Variants in MYRFL observed in about 807,000 individuals in gnomAD.
MYRFL encodes myelin regulatory factor-like protein.
Under a neutral mutation model 109.4 loss-of-function variants are expected in MYRFL, and 88 were observed. That is an observed-to-expected ratio of 0.80 (90% CI 0.68 to 0.96). The LOEUF (loss-of-function observed/expected upper bound fraction) is 0.96, where lower values mean the gene tolerates loss of function less well. Among genes scored for constraint, MYRFL ranks in the 40% least tolerant of loss-of-function variants. The pLI is 0.00. For synonymous variants in MYRFL, 324 were observed against 320.9 expected (o/e 1.01, Z -0.10); for missense variants, 957 against 954.9 (o/e 1.00, Z -0.03).
chr12:69,935,732 G>T (rs17225861), intron 16 of MYRFL, among the ~76,000 whole-genome samples: 1 of 152,124 alleles, frequency 6.6e-6, no homozygotes, highest in Non-Finnish European at 1.5e-5. Flanking sequence ...GCCCTCCACC[G>T]GTGGCACGCA....
At chr12:69,853,521 G>A (rs544392541) in intron 1 of MYRFL, among the ~76,000 whole-genome samples, 6 of 150,986 alleles carry the variant, frequency 4.0e-5, no homozygotes, top group Middle Eastern at 3.5e-3. Flanking sequence ...CAGACGGGGC[G>A]GCGGGGCAGA....
At chr12:69,874,812 T>G (rs1371701989) in intron 2 of MYRFL, among the ~76,000 whole-genome samples, 2 of 152,138 alleles carry the variant, frequency 1.3e-5, no homozygotes, top group African/African-American at 4.8e-5. Context: ...AGTCAGTGAT[T>G]ATTTGAATCA....
rs71098067 is a variant in MYRFL, at chr12:69,936,078, GTTTTTTTTTTTTTTTT to G, written c.1917-21_1917-6del. ...TCTGGAAACAAATCTGCCACATAAT[GTTTTTTTTTTTTTTTT>G]TTTTTTTTTTTTTGACAGTGCTTTG... On this transcript the variant is annotated intron_variant, in intron 16 of 24. Transcript: ENST00000552032. 4.9e-5 allele frequency: 44 copies of G among 893,910 alleles called. No individual in the cohort carries two copies. The East Asian group carries it at 7.2e-4, about 15-fold the overall frequency. The allele number at this position is 893,910 out of a possible 1,614,324, so 55.4% of individuals were successfully genotyped here.
chr12:69,924,714 A>AG (rs2120439128), intron 13 of MYRFL, among the ~76,000 whole-genome samples: 1 of 152,338 alleles, frequency 6.6e-6, no homozygotes, highest in South Asian at 2.1e-4. Flanking sequence ...GTAAGACTTC[A>AG]GGAAAAATAT....
rs1012581917 is a variant in MYRFL at position 69,855,321 on chromosome 12, A to C, written c.88A>C (p.Thr30Pro). The change falls in exon 2 of 25, where the codon ACA becomes CCA. Residue 30 changes from threonine to proline, a missense_variant. Coordinates refer to ENST00000552032, the MANE Select transcript of MYRFL (RefSeq NM_182530.3). ...TACTCTGGAGAACCCAGCCCTGGAC[A>C]CAAGTCTGTTGGAGGAATTTCTGGG... ...NGTLENPALD[T>P]SLLEEFLGND... 5 of 702,652 alleles carry C rather than the reference A, an allele frequency of 7.1e-6. No individual in the cohort carries two copies. The highest frequency in any genetic ancestry group is 5.2e-5 in the African/African-American group (3 of 57,266). The allele number at this position is 702,652 out of a possible 1,614,324, so 43.5% of individuals were successfully genotyped here.
At chr12:69,837,333 T>G (rs1034508114) in intron 1 of MYRFL, among the ~76,000 whole-genome samples, 4 of 152,154 alleles carry the variant, frequency 2.6e-5, no homozygotes, top group Non-Finnish European at 5.9e-5. Flanking sequence ...AACTGGCCAC[T>G]GGCTACCCAA....
At position 69,927,701 on chromosome 12, in the gene MYRFL, G is replaced by A. The variant is rs762397862; in HGVS notation, c.1783G>A (p.Val595Ile). 12 of 1,533,258 alleles carry A rather than the reference G, an allele frequency of 7.8e-6. No individual in the cohort carries two copies. The highest frequency in any genetic ancestry group is 4.8e-5 in the South Asian group (4 of 83,634). The allele number at this position is 1,533,258 out of a possible 1,614,324, so 95.0% of individuals were successfully genotyped here. ...CTTTTAAAGCAAATCTAGCAGAGCC[G>A]TTAGTGCATCTTCTCCAAGAAGGGC... ...ASTISKSSRAVSASSPRRAVH... is the reference protein window; with the variant it reads ...ASTISKSSRAISASSPRRAVH... Residue 595 changes from valine (V) to isoleucine (I), a missense_variant, in exon 15 of 25, where the codon GTT (valine) becomes ATT (isoleucine). Transcript: ENST00000552032.
In MYRFL at chr12:69,936,647, AAGAGAAACAACT is replaced by A; in HGVS notation, c.2224+20_2224+31del. 6.7e-7 allele frequency: 1 copy of A among 1,490,630 alleles called. No homozygotes were observed. Among genetic ancestry groups the A allele is most frequent in the Non-Finnish European group, 8.9e-7 (1 of 1,121,978 alleles). The allele number at this position is 1,490,630 out of a possible 1,614,324, so 92.3% of individuals were successfully genotyped here. On this transcript the variant is annotated intron_variant, in intron 19 of 24. Transcript: ENST00000552032. ...GCGATGGTCAGGTAAATGATGTTCAAAGAGAAACAACTAGAGCTTTGAACTTGAGGTTGTTTT... is the reference window on the plus strand; with the variant it reads ...GCGATGGTCAGGTAAATGATGTTCAAAGAGCTTTGAACTTGAGGTTGTTTT...
intron 1 of MYRFL, among the ~76,000 whole-genome samples, chr12:69,853,907 C>T (rs1280428141): frequency 6.6e-6 from 1 of 151,592 alleles, no homozygotes; most frequent in Non-Finnish European, 1.5e-5. Context: ...AGACGATGGG[C>T]GGCCAGGCAG....
intron 1 of MYRFL, among the ~76,000 whole-genome samples, chr12:69,852,579 A>ATTTTTTTTTTTTT (rs61145700): frequency 1.2e-4 from 14 of 112,202 alleles, no homozygotes; most frequent in Non-Finnish European, 2.3e-4. Flanking sequence ...TTAATTTTTA[A>ATTTTTTTTTTTTT]TTTTTTTTTT....
chr12:69,880,164 A>G (rs1344341018), intron 4 of MYRFL, 37 bp from the exon 5 acceptor site: 2 of 700,222 alleles, frequency 2.9e-6, no homozygotes, highest in African/African-American at 1.7e-5. Context: ...GAACACAAGG[A>G]AGAATCCTAA....
Position 69,927,739 on chromosome 12 carries a change from A to C in MYRFL, c.1821A>C (p.Lys607Asn), listed in dbSNP as rs568745583. The change falls in exon 15 of 25, where the codon AAA becomes AAC. Residue 607 changes from lysine (K) to asparagine (N), a missense_variant. Transcript: ENST00000552032. Reference sequence around the variant, plus strand: ...CTCCAAGAAGGGCCGTTCATAAAAAAAACAACAAGGTAAATAGACACATTT... The same window carrying C: ...CTCCAAGAAGGGCCGTTCATAAAAACAACAACAAGGTAAATAGACACATTT... ...ASSPRRAVHK[K>N]NNKVYFSGKR... The C allele has an allele frequency of 3.3e-6, 5 of 1,533,670 alleles. No individual in the cohort carries two copies. The highest frequency in any genetic ancestry group is 4.4e-6 in the Non-Finnish European group (5 of 1,146,384).
In MYRFL at chr12:69,895,334, T is replaced by C. The variant is rs765176589; in HGVS notation, c.981-37T>C. 1.3e-5 allele frequency: 19 copies of C among 1,421,268 alleles called. No homozygotes were observed. The Middle Eastern group carries it at 7.0e-4, about 53-fold the overall frequency. 88.0% of individuals were successfully genotyped at this position (1,421,268 alleles called of 1,614,324 possible). A position where few individuals can be genotyped will look rare whatever the true frequency, so the allele number is the denominator to read the frequency against. ...TGATCAGAGATTTGGTGTTCTCTTA[T>C]AGTCTCTTGGTTTTTTTTTTTTGCT... On this transcript the variant is annotated intron_variant, in intron 8 of 24. Coordinates refer to ENST00000552032, the MANE Select transcript of MYRFL (RefSeq NM_182530.3).
intron 1 of MYRFL, among the ~76,000 whole-genome samples, chr12:69,843,997 C>A (rs926314872): frequency 2.2e-4 from 34 of 152,246 alleles, no homozygotes; most frequent in Admixed American, 5.9e-4. Context: ...GTGTTATAAA[C>A]AAGTGTTAAA....
At chr12:69,891,238 C>T in intron 7 of MYRFL, 72 bp downstream of exon 7, 5 of 1,102,518 alleles carry the variant, frequency 4.5e-6, no homozygotes, top group Non-Finnish European at 6.1e-6. Flanking sequence ...TGCTGCATGA[C>T]AAACTATCCC....
At chr12:69,875,728 A>C (rs1885621732) in intron 2 of MYRFL, among the ~76,000 whole-genome samples, 1 of 152,160 alleles carries the variant, frequency 6.6e-6, no homozygotes, top group South Asian at 2.1e-4. Context: ...GCCTTATGAA[A>C]ATCTAACTAA....
intron 1 of MYRFL, among the ~76,000 whole-genome samples, chr12:69,838,112 G>T (rs1883053526): frequency 6.6e-6 from 1 of 152,154 alleles, no homozygotes; most frequent in South Asian, 2.1e-4. Context: ...CCTGACTCGG[G>T]AGGACAGAAA....
chr12:69,866,580 C>T (rs1366902520), intron 2 of MYRFL, among the ~76,000 whole-genome samples: 1 of 152,004 alleles, frequency 6.6e-6, no homozygotes, highest in Non-Finnish European at 1.5e-5. Flanking sequence ...GGATTCAGAC[C>T]TGGGTTTACT....
At chr12:69,914,035 AAG>A (rs754151081) in intron 13 of MYRFL, among the ~76,000 whole-genome samples, 2 of 152,264 alleles carry the variant, frequency 1.3e-5, no homozygotes, top group Admixed American at 6.5e-5. Flanking sequence ...GTTAATTCAC[AAG>A]AGTCTTATTC....
Sources: gnomAD v4.1 joint callset for allele counts (sites outside exome capture counted in the v4.1 genomes callset) on GRCh38, gnomAD v4.1.1 for gene constraint, MANE v1.5 for transcripts, NCBI Gene and HGNC (gene_info 2026-07-23, HGNC 2026-07-21) for gene names.